Variants in TCAF2 observed in about 807,000 individuals in gnomAD.
The protein encoded by TCAF2 is TRPM8 channel associated factor 2.
In TCAF2, 6 loss-of-function variants were observed where a neutral mutation model predicts 33.9. That is an observed-to-expected ratio of 0.18 (90% confidence interval 0.10 to 0.35). The LOEUF (loss-of-function observed/expected upper bound fraction) is 0.35, where lower values mean the gene tolerates loss of function less well. TCAF2 is among the 10% of genes least tolerant of loss of function. The pLI is 1.00. For missense variants in TCAF2, 109 were observed against 604.0 expected, an observed-to-expected ratio of 0.18 and a Z score of 8.59; for synonymous variants, 41 against 247.8, an observed-to-expected ratio of 0.17 and a Z score of 7.84.
Position 143,724,498 on chromosome 7 carries a change from A to C in TCAF2, c.2306A>C (p.Glu769Ala). The C allele has an allele frequency of 6.2e-7, 1 of 1,611,148 alleles. No homozygotes were observed. Among genetic ancestry groups the C allele is most frequent in the South Asian group, 1.1e-5 (1 of 90,956 alleles). ...CACAACCAACAGCGGCATGGATGGGAGTTCCCCCCACACACTACTGAGGCC... is the reference window on the plus strand; with the variant it reads ...CACAACCAACAGCGGCATGGATGGGCGTTCCCCCCACACACTACTGAGGCC... ...LGHNQQRHGWEFPPHTTEATC... is the reference protein window; with the variant it reads ...LGHNQQRHGWAFPPHTTEATC... The change falls in exon 7 of 8, where the codon GAG (glutamate) becomes GCG (alanine). Residue 769 changes from glutamate to alanine, a missense_variant. By Grantham distance (107) the Glu-to-Ala change is moderately radical. Coordinates refer to ENST00000684770, the MANE Select transcript of TCAF2 (RefSeq NM_001363538.2).
chr7:143,729,147 A>G lies in TCAF2; in HGVS notation c.*1480A>G, dbSNP rs1015271362. 1.3e-5 allele frequency: 2 copies of G among 152,338 alleles called. No homozygotes were observed. Among genetic ancestry groups the G allele is most frequent in the Admixed American group, 1.3e-4 (2 of 15,306 alleles). The allele number at this position is 152,338 out of a possible 1,614,324, so 9.4% of individuals were successfully genotyped here. A position where few individuals can be genotyped will look rare whatever the true frequency, so the allele number is the denominator to read the frequency against. On this transcript the variant is annotated 3_prime_UTR_variant, in exon 8 of 8. Transcript: ENST00000684770. ...AATGAGTGATTAGTATGTTCCAGGCATTGCGTGAGCTATTTACTGTGAGTG... is the reference window on the plus strand; with the variant it reads ...AATGAGTGATTAGTATGTTCCAGGCGTTGCGTGAGCTATTTACTGTGAGTG...
At position 143,620,986 on chromosome 7, in the gene TCAF2, G is replaced by T. The variant is rs1431749916; in HGVS notation, c.-46G>T. ...TCCCCCGCGCGCCACTGCAGAGCCT[G>T]TCCGTCAGTCCCTAGGTATCCGCAC... On this transcript the variant is annotated 5_prime_UTR_variant, in exon 1 of 8. Coordinates refer to ENST00000684770, the MANE Select transcript of TCAF2 (RefSeq NM_001363538.2). The T allele has an allele frequency of 9.0e-6, 2 of 221,812 alleles. No individual in the cohort carries two copies. Among genetic ancestry groups the T allele is most frequent in the African/African-American group, 5.6e-5 (2 of 35,470 alleles). The allele number at this position is 221,812 out of a possible 1,614,324, so 13.7% of individuals were successfully genotyped here. A position where few individuals can be genotyped will look rare whatever the true frequency, so the allele number is the denominator to read the frequency against.
At chr7:143,718,547 T>G in intron 2 of TCAF2, among the ~76,000 whole-genome samples, 1 of 151,764 alleles carries the variant, frequency 6.6e-6, no homozygotes, top group East Asian at 1.9e-4. Context: ...AATCTATTGT[T>G]AACCATAATT....
rs764678570 is a variant in TCAF2, at chr7:143,647,897, T to TTTCTTTCTTTC, written c.-12+26879_-12+26880insCTTTCTTTCTT. ...ATTGGCAATGTTTAGTCTTTCTTTC[T>TTTCTTTCTTTC]TTTCTTTCTTTCTTTTCTTTCTTTC... On this transcript the variant is annotated intron_variant, in intron 1 of 7. Coordinates refer to ENST00000684770, the MANE Select transcript of TCAF2 (RefSeq NM_001363538.2). Among the ~76,000 whole-genome samples the TTTCTTTCTTTC allele has an allele frequency of 1.2e-3, 146 of 123,020 alleles. 1 individual carries two copies. Among genetic ancestry groups the TTTCTTTCTTTC allele is most frequent in the African/African-American group, 2.9e-3 (104 of 35,410 alleles). The allele number at this position is 123,020 out of a possible 152,430, so 80.7% of individuals were successfully genotyped here. A position where few individuals can be genotyped will look rare whatever the true frequency, so the allele number is the denominator to read the frequency against.
intron 4 of TCAF2, among the ~76,000 whole-genome samples, chr7:143,721,724 G>A (rs1338683870): frequency 7.1e-6 from 1 of 141,446 alleles, no homozygotes; most frequent in Non-Finnish European, 1.5e-5. Context: ...GCTCAAATCT[G>A]TCCCATTGTA....
intron 1 of TCAF2, chr7:143,647,794 T>G: frequency 2.4e-6 from 1 of 416,060 alleles, no homozygotes; most frequent in South Asian, 4.8e-5. Flanking sequence ...GATTTTAGCA[T>G]GCTAATATCA....
intron 1 of TCAF2, among the ~76,000 whole-genome samples, chr7:143,701,878 G>A (rs1228139435): frequency 1.2e-5 from 1 of 80,474 alleles, no homozygotes; most frequent in Admixed American, 1.3e-4. Flanking sequence ...CCACTGGTGC[G>A]ATATCGGCTC....
intron 1 of TCAF2, among the ~76,000 whole-genome samples, chr7:143,701,762 CTTTATTTTAT>C (rs796928755): frequency 0.074 from 7,141 of 97,152 alleles, 389 homozygotes; most frequent in Middle Eastern, 0.12. Context: ...TTTTATTTTA[CTTTATTTTAT>C]TTTATTTTAT....
intron 1 of TCAF2, among the ~76,000 whole-genome samples, chr7:143,647,822 TA>T (rs1809087263): frequency 7.1e-6 from 1 of 140,200 alleles, no homozygotes; most frequent in South Asian, 2.3e-4. Context: ...TTATCATATT[TA>T]AGGCATATTT....
intron 1 of TCAF2, among the ~76,000 whole-genome samples, chr7:143,648,647 TTAGAG>T (rs1423097687): frequency 1.7e-5 from 1 of 59,392 alleles, no homozygotes; most frequent in South Asian, 9.2e-4. Context: ...TTAGATCTGG[TTAGAG>T]TATTCACTTC....
rs1048273759 is a variant in TCAF2, at chr7:143,729,339, T to C, written c.*1672T>C. 2 of 152,196 alleles carry C rather than the reference T, an allele frequency of 1.3e-5. No homozygotes were observed. Among genetic ancestry groups the C allele is most frequent in the Non-Finnish European group, 2.9e-5 (2 of 68,038 alleles). The allele number at this position is 152,196 out of a possible 1,614,324, so 9.4% of individuals were successfully genotyped here. A position where few individuals can be genotyped will look rare whatever the true frequency, so the allele number is the denominator to read the frequency against. On this transcript the variant is annotated 3_prime_UTR_variant, in exon 8 of 8. Transcript: ENST00000684770. ...TTGAAGCCCATAGCAATGAAAACAT[T>C]GTGGAACTTATTCTTCATGAATGGT... is the stretch of plus-strand genomic sequence containing the variant.
At position 143,728,357 on chromosome 7, in the gene TCAF2, A is replaced by T. The variant is rs1161307605; in HGVS notation, c.*690A>T. On this transcript the variant is annotated 3_prime_UTR_variant, in exon 8 of 8. Transcript: ENST00000684770. ...ATGTCAATGTTTTCCCAGACATGGTATCAATAATGGTAGTTGTCAGCAGTA... is the reference window on the plus strand; with the variant it reads ...ATGTCAATGTTTTCCCAGACATGGTTTCAATAATGGTAGTTGTCAGCAGTA... The T allele has an allele frequency of 6.5e-6, 1 of 153,978 alleles. No individual in the cohort carries two copies. Among genetic ancestry groups the T allele is most frequent in the East Asian group, 1.9e-4 (1 of 5,204 alleles). The allele number at this position is 153,978 out of a possible 1,614,324, so 9.5% of individuals were successfully genotyped here.
rs767982513 is a variant in TCAF2 at position 143,724,486 on chromosome 7, G to A, written c.2294G>A (p.Arg765Gln). 36 of 1,611,114 alleles carry A rather than the reference G, an allele frequency of 2.2e-5. No individual in the cohort carries two copies. The highest frequency in any genetic ancestry group is 1.5e-4 in the South Asian group (14 of 90,964). The change falls in exon 7 of 8, where the codon CGG becomes CAG. Residue 765 changes from arginine (R) to glutamine (Q), a missense_variant. Coordinates refer to ENST00000684770, the MANE Select transcript of TCAF2 (RefSeq NM_001363538.2). ...PIHELGHNQQ[R>Q]HGWEFPPHTT... is the part of the protein sequence containing the mutation. ...CATGAGCTGGGCCACAACCAACAGC[G>A]GCATGGATGGGAGTTCCCCCCACAC...
In TCAF2 at chr7:143,647,910, T is replaced by C. The variant is rs189272059; in HGVS notation, c.-12+26890T>C. Among the ~76,000 whole-genome samples the C allele has an allele frequency of 3.8e-3, 544 of 144,474 alleles. 48 individuals carry two copies. The highest frequency in any genetic ancestry group is 0.013 in the African/African-American group (523 of 39,780). The allele number at this position is 144,474 out of a possible 152,430, so 94.8% of individuals were successfully genotyped here. On this transcript the variant is annotated intron_variant, in intron 1 of 7. Transcript: ENST00000684770. ...AGTCTTTCTTTCTTTTCTTTCTTTC[T>C]TTTCTTTCTTTCTTTCTTTTTTTAT... is the stretch of plus-strand genomic sequence containing the variant.
rs982444257 is a variant in TCAF2, at chr7:143,728,446, A to G, written c.*779A>G. ...GGATTCTTGGGTATAACCTAACCCA[A>G]AGAAAAGTGGCATGTGCTGAAACTG... On this transcript the variant is annotated 3_prime_UTR_variant, in exon 8 of 8. Transcript: ENST00000684770. The G allele has an allele frequency of 6.6e-6, 1 of 152,264 alleles. No individual in the cohort carries two copies. Among genetic ancestry groups the G allele is most frequent in the Non-Finnish European group, 1.5e-5 (1 of 68,122 alleles). The allele number at this position is 152,264 out of a possible 1,614,324, so 9.4% of individuals were successfully genotyped here. A position where few individuals can be genotyped will look rare whatever the true frequency, so the allele number is the denominator to read the frequency against.
intron 1 of TCAF2, among the ~76,000 whole-genome samples, chr7:143,637,728 TTCTC>T (rs1235799651): frequency 3.9e-5 from 1 of 25,518 alleles, no homozygotes; most frequent in Non-Finnish European, 8.2e-5. Context: ...TGTCAGTCCT[TTCTC>T]TCTATCTCAC....
In TCAF2 at chr7:143,729,148, T is replaced by C. The variant is rs1809754580; in HGVS notation, c.*1481T>C. Reference sequence around the variant, plus strand: ...ATGAGTGATTAGTATGTTCCAGGCATTGCGTGAGCTATTTACTGTGAGTGA... The same window carrying C: ...ATGAGTGATTAGTATGTTCCAGGCACTGCGTGAGCTATTTACTGTGAGTGA... On this transcript the variant is annotated 3_prime_UTR_variant, in exon 8 of 8. Coordinates refer to ENST00000684770, the MANE Select transcript of TCAF2 (RefSeq NM_001363538.2). The C allele has an allele frequency of 6.6e-6, 1 of 152,308 alleles. No homozygotes were observed. The highest frequency in any genetic ancestry group is 1.9e-4 in the East Asian group (1 of 5,176). The allele number at this position is 152,308 out of a possible 1,614,324, so 9.4% of individuals were successfully genotyped here. A position where few individuals can be genotyped will look rare whatever the true frequency, so the allele number is the denominator to read the frequency against.
At chr7:143,634,888 A>C (rs1308012075) in intron 1 of TCAF2, among the ~76,000 whole-genome samples, 2 of 137,878 alleles carry the variant, frequency 1.5e-5, no homozygotes, top group Admixed American at 7.9e-5. Flanking sequence ...ATCTGTATTT[A>C]AGAAATTAAA....
chr7:143,647,914 C>CT lies in TCAF2; in HGVS notation c.-12+26897dup, dbSNP rs1210777424. On this transcript the variant is annotated intron_variant, in intron 1 of 7. Transcript: ENST00000684770. ...TTTCTTTCTTTTCTTTCTTTCTTTTCTTTCTTTCTTTCTTTTTTTATTTGA... is the reference window on the plus strand; with the variant it reads ...TTTCTTTCTTTTCTTTCTTTCTTTTCTTTTCTTTCTTTCTTTTTTTATTTGA... 1.1e-4 allele frequency among the ~76,000 whole-genome samples: 15 copies of CT among 142,192 alleles called. 1 individual carries two copies. Among genetic ancestry groups the CT allele is most frequent in the Non-Finnish European group, 1.8e-4 (12 of 65,262 alleles). The allele number at this position is 142,192 out of a possible 152,430, so 93.3% of individuals were successfully genotyped here.
Sources: gnomAD v4.1 joint callset for allele counts (sites outside exome capture counted in the v4.1 genomes callset) on GRCh38, gnomAD v4.1.1 for gene constraint, MANE v1.5 for transcripts, NCBI Gene and HGNC (gene_info 2026-07-23, HGNC 2026-07-21) for gene names.